The following SMOX variants were observed in gnomAD, a reference collection of about 807,000 sequenced individuals.
The protein encoded by SMOX is spermine oxidase, also known as flavin containing amine oxidase.
A neutral mutation model predicts 51.0 loss-of-function variants in SMOX; 22 were observed. That is an observed-to-expected ratio of 0.43 (90% CI 0.31 to 0.62). The LOEUF (loss-of-function observed/expected upper bound fraction) is 0.62. SMOX is among the 20% of genes least tolerant of loss of function. The pLI is 0.10. For missense variants in SMOX, 566 were observed against 777.7 expected (o/e 0.73, Z 3.24); for synonymous variants, 282 against 307.8 (o/e 0.92, Z 0.88).
rs1985581313 is a variant in SMOX at position 4,148,983 on chromosome 20, G to T, written c.-27+6G>T. 6.6e-6 allele frequency: 1 copy of T among 151,902 alleles called. No individual in the cohort carries two copies. Among genetic ancestry groups the T allele is most frequent in the East Asian group, 1.9e-4 (1 of 5,156 alleles). 9.4% of individuals were successfully genotyped at this position (151,902 alleles called of 1,614,324 possible). On this transcript the variant is annotated splice_donor_region_variant and intron_variant, in intron 1 of 6. Transcript: ENST00000305958. ...CCCCGGCTCAGCAGGGAAAGGTACGGTGCGCCCGCTCTCCGGCCCCGGGCC... is the reference window on the plus strand; with the variant it reads ...CCCCGGCTCAGCAGGGAAAGGTACGTTGCGCCCGCTCTCCGGCCCCGGGCC...
At chr20:4,180,966 G>A (rs1033782615) in intron 3 of SMOX, among the ~76,000 whole-genome samples, 3 of 152,136 alleles carry the variant, frequency 2.0e-5, no homozygotes, top group Non-Finnish European at 4.4e-5. Flanking sequence ...TTGAGTAAAT[G>A]TTGCTTCTGG....
intron 1 of SMOX, among the ~76,000 whole-genome samples, chr20:4,168,081 C>G (rs1432848586): frequency 1.3e-5 from 2 of 151,194 alleles, no homozygotes; most frequent in Non-Finnish European, 2.9e-5. Flanking sequence ...CCCTCCCACT[C>G]CCTCTCCTCC....
chr20:4,158,929 G>A (rs1986169548), intron 1 of SMOX, among the ~76,000 whole-genome samples: 1 of 151,812 alleles, frequency 6.6e-6, no homozygotes, highest in Non-Finnish European at 1.5e-5. Flanking sequence ...CACCACCAAG[G>A]GGCATATATT....
intron 6 of SMOX, among the ~76,000 whole-genome samples, chr20:4,186,449 C>T (rs756537237): frequency 1.3e-5 from 2 of 152,212 alleles, no homozygotes; most frequent in Non-Finnish European, 2.9e-5. Context: ...ACCTAGACAG[C>T]CTGCTTTCTC....
chr20:4,180,845 T>C (rs1979266352), intron 3 of SMOX, among the ~76,000 whole-genome samples: 1 of 152,092 alleles, frequency 6.6e-6, no homozygotes, highest in Admixed American at 6.6e-5. Context: ...CCGGGTTCTT[T>C]CCTATCACGG....
At chr20:4,176,567 G>A (rs1288931330) in intron 2 of SMOX, among the ~76,000 whole-genome samples, 1 of 151,960 alleles carries the variant, frequency 6.6e-6, no homozygotes, top group African/African-American at 2.4e-5. Context: ...TCATTGTTTC[G>A]GCTTCCCTGG....
chr20:4,186,354 G>A (rs1288566405), intron 6 of SMOX, among the ~76,000 whole-genome samples: 1 of 152,158 alleles, frequency 6.6e-6, no homozygotes, highest in African/African-American at 2.4e-5. Flanking sequence ...CACAGCTGGT[G>A]CCTTGCACCT....
chr20:4,163,960 G>C (rs1986444419), intron 1 of SMOX, among the ~76,000 whole-genome samples: 2 of 152,186 alleles, frequency 1.3e-5, no homozygotes, highest in South Asian at 4.1e-4. Flanking sequence ...CTACACCAAG[G>C]CACGAATCCC....
intron 1 of SMOX, among the ~76,000 whole-genome samples, chr20:4,165,876 C>G (rs1356229005): frequency 6.6e-6 from 1 of 152,172 alleles, no homozygotes; most frequent in East Asian, 1.9e-4. Flanking sequence ...GGGCATGGAG[C>G]TTGCCTACCT....
At chr20:4,158,360 C>T (rs1986139073) in intron 1 of SMOX, among the ~76,000 whole-genome samples, 1 of 152,134 alleles carries the variant, frequency 6.6e-6, no homozygotes. Flanking sequence ...TGTCTTTCTT[C>T]CTCAAGCATG....
intron 3 of SMOX, among the ~76,000 whole-genome samples, chr20:4,178,504 A>C (rs1979059971): frequency 6.6e-6 from 1 of 152,096 alleles, no homozygotes; most frequent in Admixed American, 6.6e-5. Flanking sequence ...CAGATTTTTA[A>C]AAAATTATTA....
chr20:4,162,654 C>A (rs1342103389), intron 1 of SMOX, among the ~76,000 whole-genome samples: 1 of 152,170 alleles, frequency 6.6e-6, no homozygotes, highest in African/African-American at 2.4e-5. Context: ...CAGGGCCAGG[C>A]AAGGGTGCAT....
chr20:4,174,828 C>T (rs1039112407), intron 1 of SMOX, among the ~76,000 whole-genome samples: 2 of 152,028 alleles, frequency 1.3e-5, no homozygotes, highest in Non-Finnish European at 2.9e-5. Flanking sequence ...TTCCTGCCAC[C>T]TTCCCTTATT....
chr20:4,185,446 C>T (rs1266448848), intron 6 of SMOX, among the ~76,000 whole-genome samples: 2 of 150,604 alleles, frequency 1.3e-5, no homozygotes, highest in Non-Finnish European at 3.0e-5. Flanking sequence ...CCTGTCTCTA[C>T]TAAAAATACA....
At chr20:4,165,048 T>TA (rs1986500130) in intron 1 of SMOX, among the ~76,000 whole-genome samples, 5 of 143,756 alleles carry the variant, frequency 3.5e-5, no homozygotes, top group Admixed American at 7.3e-5. Flanking sequence ...TTAGCTAAGT[T>TA]GTTTTTTTTT....
chr20:4,159,846 C>T lies in SMOX; in HGVS notation c.-27+10869C>T, dbSNP rs1050122884. Among the ~76,000 whole-genome samples, 5 of 152,292 alleles carry T rather than the reference C, an allele frequency of 3.3e-5. No individual in the cohort carries two copies. In the East Asian group the frequency reaches 9.6e-4, roughly 29 times the overall value. Reference sequence around the variant, plus strand: ...AGTGGCTTTTGAGACCTGGTTCCAGCCCTCGCGTGGGTGGGGGACTGTGCT... The same window carrying T: ...AGTGGCTTTTGAGACCTGGTTCCAGTCCTCGCGTGGGTGGGGGACTGTGCT... On this transcript the variant is annotated intron_variant, in intron 1 of 6. Coordinates refer to ENST00000305958, the MANE Select transcript of SMOX (RefSeq NM_175839.3).
rs1392561605 is a variant in SMOX, at chr20:4,153,699, G to A, written c.-27+4722G>A. Among the ~76,000 whole-genome samples the A allele has an allele frequency of 6.6e-6, 1 of 152,198 alleles. No homozygotes were observed. The highest frequency in any genetic ancestry group is 1.5e-5 in the Non-Finnish European group (1 of 68,030). ...AGGGTTAGTGGAAACTGAGGCACAG[G>A]GAAAACATTGCTGTTGGAAGCTCAC... On this transcript the variant is annotated intron_variant, in intron 1 of 6. Transcript: ENST00000305958. This position sits in a 1 kb window ranked among gnomAD's most constrained non-coding sequence, Gnocchi z 4.4.
At chr20:4,158,093 T>A (rs12625564) in intron 1 of SMOX, among the ~76,000 whole-genome samples, 1 of 147,014 alleles carries the variant, frequency 6.8e-6, no homozygotes, top group South Asian at 2.2e-4. Flanking sequence ...GTAGAGATGG[T>A]GTTTCACCTT....
Position 4,179,945 on chromosome 20 carries a change from G to A in SMOX, c.436-1858G>A, listed in dbSNP as rs568770751. On this transcript the variant is annotated intron_variant, in intron 3 of 6. Coordinates refer to ENST00000305958, the MANE Select transcript of SMOX (RefSeq NM_175839.3). ...TGTGCCATGTGATACACCCATGTTC[G>A]GTGAAGGCTGCCCTCGTTGGTGGCT... Among the ~76,000 whole-genome samples the A allele has an allele frequency of 5.5e-4, 84 of 152,362 alleles. No individual in the cohort carries two copies. In the South Asian group the frequency reaches 0.012, roughly 22 times the overall value.
Sources: gnomAD v4.1 joint callset for allele counts (sites outside exome capture counted in the v4.1 genomes callset) on GRCh38, gnomAD v4.1.1 for gene constraint, Gnocchi (gnomAD v3.1) non-coding constraint, MANE v1.5 for transcripts, NCBI Gene and HGNC (gene_info 2026-07-23, HGNC 2026-07-21) for gene names.